Variants in GAB2 observed in about 807,000 individuals in gnomAD.
GAB2 encodes GRB2-associated-binding protein 2.
In GAB2, 26 loss-of-function variants were observed where a neutral mutation model predicts 65.5. The ratio of observed to expected loss-of-function variants is 0.40; its 90% CI spans 0.29 to 0.55. The LOEUF (loss-of-function observed/expected upper bound fraction) is 0.55, where lower values mean the gene tolerates loss of function less well. Ranked by LOEUF, GAB2 falls within the 20% of genes least tolerant of loss-of-function variation. The pLI is 0.53. For missense variants in GAB2, 884 were observed against 875.8 expected, an observed-to-expected ratio of 1.01 and a Z score of -0.12; for synonymous variants, 321 against 329.6, an observed-to-expected ratio of 0.97 and a Z score of 0.28.
At chr11:78,279,815 G>A (rs1002179932) in intron 2 of GAB2, among the ~76,000 whole-genome samples, 2 of 151,930 alleles carry the variant, frequency 1.3e-5, no homozygotes, top group Non-Finnish European at 2.9e-5. Context: ...TGGATATTTG[G>A]GTTGTTTCCA....
At chr11:78,279,350 C>G (rs1311397783) in intron 2 of GAB2, among the ~76,000 whole-genome samples, 1 of 152,130 alleles carries the variant, frequency 6.6e-6, no homozygotes, top group Non-Finnish European at 1.5e-5. Context: ...AAGGATGGGG[C>G]TCTTTGTGAC....
chr11:78,288,733 G>A (rs910539531), intron 1 of GAB2, among the ~76,000 whole-genome samples: 10 of 152,160 alleles, frequency 6.6e-5, no homozygotes, highest in South Asian at 2.1e-4. Flanking sequence ...TGGACAACTC[G>A]ACTTGGTGCA....
At position 78,217,598 on chromosome 11, in the gene GAB2, C is replaced by T. The variant is rs1341920027; in HGVS notation, c.*1674G>A. On this transcript the variant is annotated 3_prime_UTR_variant, in exon 10 of 10. Transcript: ENST00000361507. ...GGGTAGAATGAAACGTCTGGTCTGTCCTGTTGCTTCTGAAACTCTTGAAAA... is the reference window on the plus strand; with the variant it reads ...GGGTAGAATGAAACGTCTGGTCTGTTCTGTTGCTTCTGAAACTCTTGAAAA... 2 of 152,196 alleles carry T rather than the reference C, an allele frequency of 1.3e-5. No individual in the cohort carries two copies. The highest frequency in any genetic ancestry group is 2.9e-5 in the Non-Finnish European group (2 of 68,046). The allele number at this position is 152,196 out of a possible 1,614,324, so 9.4% of individuals were successfully genotyped here. A position where few individuals can be genotyped will look rare whatever the true frequency, so the allele number is the denominator to read the frequency against.
chr11:78,395,364 G>A (rs1168498814), intron 1 of GAB2, among the ~76,000 whole-genome samples: 1 of 152,240 alleles, frequency 6.6e-6, no homozygotes, highest in Non-Finnish European at 1.5e-5. Context: ...TGAGGCAGGG[G>A]AATCACTTGA....
intron 1 of GAB2, among the ~76,000 whole-genome samples, chr11:78,349,078 A>G (rs1293769963): frequency 1.3e-5 from 2 of 152,356 alleles, no homozygotes; most frequent in African/African-American, 4.8e-5. Context: ...GATGATGCCA[A>G]TGTTCTACAT....
intron 5 of GAB2, 64 bp from the exon 6 acceptor site, chr11:78,223,740 A>G: frequency 7.3e-7 from 1 of 1,375,278 alleles, no homozygotes; most frequent in South Asian, 1.4e-5. Context: ...GAAGGGGGTA[A>G]GACTTTGTAA....
At chr11:78,402,615 C>G (rs1280132288) in intron 1 of GAB2, among the ~76,000 whole-genome samples, 1 of 149,982 alleles carries the variant, frequency 6.7e-6, no homozygotes, top group Non-Finnish European at 1.5e-5. Flanking sequence ...ACCACCACGC[C>G]CAGCTAATTT....
Position 78,336,326 on chromosome 11 carries a change from CAAAAAAAAAAAAAAAAAAA to C in GAB2, c.76-55444_76-55426del, listed in dbSNP as rs71046966. On this transcript the variant is annotated intron_variant, in intron 1 of 9. Coordinates refer to ENST00000361507, the MANE Select transcript of GAB2 (RefSeq NM_080491.3). ...CGGGCGACAGAGCGAGACTGTCTCT[CAAAAAAAAAAAAAAAAAAA>C]AAAAAAAAAAAAAAAAACACAACAA... Among the ~76,000 whole-genome samples, 11 of 19,258 alleles carry C rather than the reference CAAAAAAAAAAAAAAAAAAA, an allele frequency of 5.7e-4. 1 individual carries two copies. Among genetic ancestry groups the C allele is most frequent in the Non-Finnish European group, 8.1e-4 (7 of 8,642 alleles). 12.6% of individuals were successfully genotyped at this position (19,258 alleles called of 152,430 possible).
intron 3 of GAB2, among the ~76,000 whole-genome samples, chr11:78,248,145 G>A (rs536085732): frequency 7.2e-5 from 11 of 151,740 alleles, no homozygotes; most frequent in East Asian, 1.9e-4. Flanking sequence ...AATGTTGTGA[G>A]AGAGAGAGAG....
At chr11:78,379,412 G>T (rs1856670020) in intron 1 of GAB2, among the ~76,000 whole-genome samples, 1 of 152,152 alleles carries the variant, frequency 6.6e-6, no homozygotes. Context: ...TCTTGCCTTG[G>T]TTTCCTCCTT....
chr11:78,276,271 G>C (rs1055508690), intron 2 of GAB2, among the ~76,000 whole-genome samples: 1 of 151,974 alleles, frequency 6.6e-6, no homozygotes, highest in Non-Finnish European at 1.5e-5. Context: ...CTATATCCCA[G>C]CCTGGGTGAC....
At chr11:78,308,830 G>T (rs959083394) in intron 1 of GAB2, among the ~76,000 whole-genome samples, 2 of 152,150 alleles carry the variant, frequency 1.3e-5, no homozygotes, top group African/African-American at 4.8e-5. Flanking sequence ...GCAATTTTTT[G>T]ACCTGGGTGG....
chr11:78,270,348 A>G (rs1313706040), intron 2 of GAB2, among the ~76,000 whole-genome samples: 1 of 151,844 alleles, frequency 6.6e-6, no homozygotes, highest in Non-Finnish European at 1.5e-5. Flanking sequence ...AAAAAAAAAA[A>G]AGAATAGTCA....
At position 78,217,268 on chromosome 11, in the gene GAB2, T is replaced by C. The variant is rs1864194745; in HGVS notation, c.*2004A>G. 6.6e-6 allele frequency: 1 copy of C among 152,290 alleles called. No homozygotes were observed. Among genetic ancestry groups the C allele is most frequent in the Non-Finnish European group, 1.5e-5 (1 of 68,080 alleles). The allele number at this position is 152,290 out of a possible 1,614,324, so 9.4% of individuals were successfully genotyped here. ...GTCCTTTTTCTGATTGTGGCTATCTTAAGTTCAGGGAGAAGGTCTGATTGA... is the reference window on the plus strand; with the variant it reads ...GTCCTTTTTCTGATTGTGGCTATCTCAAGTTCAGGGAGAAGGTCTGATTGA... On this transcript the variant is annotated 3_prime_UTR_variant, in exon 10 of 10. Coordinates refer to ENST00000361507, the MANE Select transcript of GAB2 (RefSeq NM_080491.3).
chr11:78,377,658 T>C (rs1856647921), intron 1 of GAB2, among the ~76,000 whole-genome samples: 1 of 152,192 alleles, frequency 6.6e-6, no homozygotes, highest in Non-Finnish European at 1.5e-5. Flanking sequence ...CCTGGGCTAG[T>C]TTCTTAACTT....
chr11:78,279,885 C>T (rs1237367710), intron 2 of GAB2, among the ~76,000 whole-genome samples: 1 of 152,040 alleles, frequency 6.6e-6, no homozygotes, highest in Admixed American at 6.6e-5. Flanking sequence ...TTTGTGTAAA[C>T]ATGTTTTGGG....
At chr11:78,279,580 C>G (rs561715255) in intron 2 of GAB2, among the ~76,000 whole-genome samples, 62 of 152,034 alleles carry the variant, frequency 4.1e-4, no homozygotes, top group Non-Finnish European at 7.8e-4. Context: ...TTTACCACTC[C>G]AAGAAGAAAC....
intron 1 of GAB2, among the ~76,000 whole-genome samples, chr11:78,367,817 T>TTTTC (rs1162870432): frequency 1.4e-5 from 2 of 146,686 alleles, no homozygotes; most frequent in East Asian, 4.0e-4. Context: ...TTAATTTTCT[T>TTTTC]TTTCTTTTTT....
At chr11:78,343,809 A>G (rs1035599727) in intron 1 of GAB2, among the ~76,000 whole-genome samples, 1 of 152,228 alleles carries the variant, frequency 6.6e-6, no homozygotes, top group African/African-American at 2.4e-5. Context: ...TATATAATCA[A>G]TATAAAAATA....
Sources: gnomAD v4.1 joint callset for allele counts (sites outside exome capture counted in the v4.1 genomes callset) on GRCh38, gnomAD v4.1.1 for gene constraint, MANE v1.5 for transcripts, NCBI Gene and HGNC (gene_info 2026-07-23, HGNC 2026-07-21) for gene names.